The following PTN variants were observed in gnomAD, a reference collection of about 807,000 sequenced individuals.
The protein encoded by PTN is pleiotrophin.
PTN carries 18 observed loss-of-function variants against 24.1 expected under a neutral mutation model. That is an observed-to-expected ratio of 0.75 (90% CI 0.52 to 1.11). PTN has a LOEUF of 1.11. PTN is among the 50% of genes least tolerant of loss of function. PTN has a pLI of 0.00. For missense variants in PTN, 163 were observed against 198.8 expected (o/e 0.82, Z 1.08); for synonymous variants, 78 against 68.6 (o/e 1.14, Z -0.67).
At chr7:137,250,874 T>C (rs1010562286) in intron 4 of PTN, among the ~76,000 whole-genome samples, 5 of 152,248 alleles carry the variant, frequency 3.3e-5, no homozygotes, top group Non-Finnish European at 7.3e-5. Flanking sequence ...TTTAAAATTG[T>C]CTCCGTCATA....
intron 4 of PTN, among the ~76,000 whole-genome samples, chr7:137,249,100 T>G (rs1808776904): frequency 6.6e-6 from 1 of 152,128 alleles, no homozygotes; most frequent in Admixed American, 6.5e-5. Flanking sequence ...TAAATATCGT[T>G]TAGGGTTCTA....
At chr7:137,291,857 A>C (rs1225534846) in intron 1 of PTN, among the ~76,000 whole-genome samples, 1 of 152,186 alleles carries the variant, frequency 6.6e-6, no homozygotes, top group Non-Finnish European at 1.5e-5. Context: ...AGCCAGAGGC[A>C]GTGAAATTTG....
intron 1 of PTN, among the ~76,000 whole-genome samples, chr7:137,328,070 T>G (rs191380207): frequency 5.9e-5 from 9 of 152,306 alleles, no homozygotes; most frequent in African/African-American, 1.4e-4. Context: ...TATTATAAAA[T>G]AAAAATGTCT....
At chr7:137,278,102 T>G (rs1182878931) in intron 1 of PTN, among the ~76,000 whole-genome samples, 4 of 150,808 alleles carry the variant, frequency 2.7e-5, no homozygotes, top group African/African-American at 9.8e-5. Context: ...GGTCAGGAGA[T>G]CGAGACCATC....
At chr7:137,299,791 C>G (rs1299506889) in intron 1 of PTN, among the ~76,000 whole-genome samples, 1 of 151,904 alleles carries the variant, frequency 6.6e-6, no homozygotes, top group Non-Finnish European at 1.5e-5. Flanking sequence ...GCTTGAGAAT[C>G]AGCCCTAAAG....
At chr7:137,238,765 G>C (rs1437600454) in intron 4 of PTN, among the ~76,000 whole-genome samples, 2 of 152,168 alleles carry the variant, frequency 1.3e-5, no homozygotes, top group Admixed American at 1.3e-4. Context: ...CTGCCATGCA[G>C]CTTGAGTGAG....
chr7:137,343,504 G>T lies in PTN; in HGVS notation c.-67C>A, dbSNP rs191027622. 2.5e-5 allele frequency: 13 copies of T among 518,816 alleles called. No homozygotes were observed. The highest frequency in any genetic ancestry group is 5.0e-5 in the Non-Finnish European group (13 of 259,834). The allele number at this position is 518,816 out of a possible 1,614,324, so 32.1% of individuals were successfully genotyped here. On this transcript the variant is annotated 5_prime_UTR_variant, in exon 1 of 5. Coordinates refer to ENST00000348225, the MANE Select transcript of PTN (RefSeq NM_002825.7). Reference sequence around the variant, plus strand: ...TGTTGCAAGGGGCGAGGTTGCTACCGCTGAGTCCAGGTACCCGGCTCGCTG... The same window carrying T: ...TGTTGCAAGGGGCGAGGTTGCTACCTCTGAGTCCAGGTACCCGGCTCGCTG...
chr7:137,252,483 C>G (rs952401480), intron 3 of PTN, among the ~76,000 whole-genome samples: 1 of 151,708 alleles, frequency 6.6e-6, no homozygotes, highest in Non-Finnish European at 1.5e-5. Context: ...TAAGATATAC[C>G]TTTTAAACTT....
intron 4 of PTN, among the ~76,000 whole-genome samples, chr7:137,250,893 G>A (rs1808812373): frequency 6.6e-6 from 1 of 152,158 alleles, no homozygotes; most frequent in Admixed American, 6.5e-5. Context: ...TAAACATTCT[G>A]AGTTTGTTTT....
intron 4 of PTN, among the ~76,000 whole-genome samples, chr7:137,232,059 T>A (rs1425114848): frequency 1.3e-5 from 2 of 151,950 alleles, no homozygotes; most frequent in Non-Finnish European, 2.9e-5. Context: ...CCTACCCTGA[T>A]GTGAACAGTA....
At chr7:137,306,358 G>A (rs1023566074) in intron 1 of PTN, among the ~76,000 whole-genome samples, 1 of 152,070 alleles carries the variant, frequency 6.6e-6, no homozygotes, top group African/African-American at 2.4e-5. Context: ...GGTTACAAAT[G>A]AGAATGAGAG....
chr7:137,332,990 T>C (rs148684117), intron 1 of PTN, among the ~76,000 whole-genome samples: 11 of 152,308 alleles, frequency 7.2e-5, no homozygotes, highest in South Asian at 4.1e-4. Context: ...CCAAACCTTA[T>C]GTTGAAATTT....
chr7:137,243,742 C>T (rs1013385500), intron 4 of PTN, among the ~76,000 whole-genome samples: 2 of 152,114 alleles, frequency 1.3e-5, no homozygotes, highest in African/African-American at 4.8e-5. Context: ...GATAGTCCCT[C>T]AAGAAAGGGG....
At chr7:137,242,914 G>A (rs1563197195) in intron 4 of PTN, among the ~76,000 whole-genome samples, 2 of 152,156 alleles carry the variant, frequency 1.3e-5, no homozygotes, top group Non-Finnish European at 2.9e-5. Context: ...TCATCTAAGG[G>A]GACCACTGAA....
At chr7:137,234,963 C>T (rs1389156907) in intron 4 of PTN, among the ~76,000 whole-genome samples, 1 of 151,966 alleles carries the variant, frequency 6.6e-6, no homozygotes, top group Non-Finnish European at 1.5e-5. Flanking sequence ...ACAAAATGTG[C>T]ACCTTCTAAG....
chr7:137,318,767 T>C (rs1431661659), intron 1 of PTN: 1 of 152,258 alleles, frequency 6.6e-6, no homozygotes, highest in Non-Finnish European at 1.5e-5. Context: ...TGCTAATTAC[T>C]GGCTGAAATC....
intron 1 of PTN, among the ~76,000 whole-genome samples, chr7:137,302,230 A>G (rs1809817394): frequency 6.6e-6 from 1 of 151,962 alleles, no homozygotes; most frequent in Non-Finnish European, 1.5e-5. Flanking sequence ...CAGACGTGAA[A>G]CCTAATCCTC....
At chr7:137,274,954 T>C (rs1809338338) in intron 1 of PTN, among the ~76,000 whole-genome samples, 1 of 152,236 alleles carries the variant, frequency 6.6e-6, no homozygotes, top group Admixed American at 6.5e-5. Context: ...AGTCGATTTC[T>C]TTTACTGTCA....
rs1810047049 is a variant in PTN, at chr7:137,314,979, G to A, written c.-2+28460C>T. On this transcript the variant is annotated intron_variant, in intron 1 of 4. Coordinates refer to ENST00000348225, the MANE Select transcript of PTN (RefSeq NM_002825.7). ...TTAGACATTGTTAACTATTATTCAT[G>A]TTCATTCTCTCTGTTAAAGTAATTG... 4.6e-5 allele frequency among the ~76,000 whole-genome samples: 7 copies of A among 152,240 alleles called. No individual in the cohort carries two copies. The South Asian group carries it at 1.5e-3, about 32-fold the overall frequency.
Sources: allele counts gnomAD v4.1 joint callset (sites outside exome capture counted in the v4.1 genomes callset), GRCh38; gene constraint gnomAD v4.1.1; transcripts MANE v1.5; gene names NCBI Gene and HGNC (gene_info 2026-07-23, HGNC 2026-07-21).